Variants in STK24 observed in about 807,000 individuals in gnomAD.
The protein encoded by STK24 is serine/threonine-protein kinase 24.
Under a neutral mutation model 55.6 loss-of-function variants are expected in STK24, and 21 were observed. That is an observed-to-expected ratio of 0.38 (90% CI 0.27 to 0.54). The LOEUF (loss-of-function observed/expected upper bound fraction) is 0.54, where lower values mean the gene tolerates loss of function less well. Ranked by LOEUF, STK24 falls within the 20% of genes least tolerant of loss-of-function variation. The probability of loss-of-function intolerance (pLI) is 0.79; values close to 1 mark genes in which losing one functional copy is unlikely to be tolerated. For synonymous variants in STK24, 200 were observed against 215.2 expected (o/e 0.93, Z 0.62); for missense variants, 383 against 538.4 (o/e 0.71, Z 2.86).
At chr13:98,487,827 T>G (rs752668535) in intron 2 of STK24, among the ~76,000 whole-genome samples, 20 of 152,178 alleles carry the variant, frequency 1.3e-4, no homozygotes, top group Non-Finnish European at 2.6e-4. Context: ...GAAGCAGACC[T>G]GCTGGGTGAA....
rs967847857 is a variant in STK24, at chr13:98,476,250, G to A, written c.331-892C>T. Among the ~76,000 whole-genome samples, 40 of 79,606 alleles carry A rather than the reference G, an allele frequency of 5.0e-4. 1 individual carries two copies. The East Asian group carries it at 8.9e-3, about 18-fold the overall frequency. 52.2% of individuals were successfully genotyped at this position (79,606 alleles called of 152,430 possible). A position where few individuals can be genotyped will look rare whatever the true frequency, so the allele number is the denominator to read the frequency against. ...CAAACCAGACGGGAAGCCCCCCCCCGCCCCCTGCAGAGTGGGGCAGTCAGT... is the reference window on the plus strand; with the variant it reads ...CAAACCAGACGGGAAGCCCCCCCCCACCCCCTGCAGAGTGGGGCAGTCAGT... On this transcript the variant is annotated intron_variant, in intron 3 of 10. Transcript: ENST00000539966.
chr13:98,571,799 T>A lies in STK24; in HGVS notation c.42+4946A>T, dbSNP rs79308468. Among the ~76,000 whole-genome samples, 1,499 of 152,258 alleles carry A rather than the reference T, an allele frequency of 9.8e-3. 19 individuals are homozygous for A. The highest frequency in any genetic ancestry group is 0.033 in the African/African-American group (1,389 of 41,542). On this transcript the variant is annotated intron_variant, in intron 1 of 10. Coordinates refer to ENST00000539966, the MANE Select transcript of STK24 (RefSeq NM_001032296.4). ...TCACTGAGAGTTCAAGCCACGAAGC[T>A]GAGTGAATGCTAAAAAAATCCACTT...
At chr13:98,542,734 G>T in intron 1 of STK24, 1 of 706,558 alleles carries the variant, frequency 1.4e-6, no homozygotes, top group Non-Finnish European at 1.7e-6. Flanking sequence ...AAAGTGACGG[G>T]AAGCAAAGCA....
chr13:98,494,735 G>A (rs1314312137), intron 2 of STK24, among the ~76,000 whole-genome samples: 1 of 152,124 alleles, frequency 6.6e-6, no homozygotes, highest in Non-Finnish European at 1.5e-5. Context: ...TGTCAGTTAT[G>A]TAAATCAATG....
intron 5 of STK24, among the ~76,000 whole-genome samples, chr13:98,467,211 C>T (rs1368455656): frequency 1.3e-5 from 2 of 152,154 alleles, no homozygotes; most frequent in African/African-American, 2.4e-5. Flanking sequence ...CTACCTATTG[C>T]ATGAATTTAC....
intron 2 of STK24, among the ~76,000 whole-genome samples, chr13:98,514,742 G>A (rs576499619): frequency 6.6e-6 from 1 of 152,194 alleles, no homozygotes; most frequent in Non-Finnish European, 1.5e-5. Context: ...TGATGTTTGA[G>A]AGGAATAAAT....
rs753048450 is a variant in STK24 at position 98,576,864 on chromosome 13, C to T, written c.-78G>A. 50,513 of 961,254 alleles carry T rather than the reference C, an allele frequency of 0.053. 1,490 individuals are homozygous for T. The highest frequency in any genetic ancestry group is 0.058 in the Non-Finnish European group (46,536 of 805,180). 59.5% of individuals were successfully genotyped at this position (961,254 alleles called of 1,614,324 possible). On this transcript the variant is annotated 5_prime_UTR_variant, in exon 1 of 11. Transcript: ENST00000539966. ...GCGCGGGGCGGCGAGGCCCGCGGGC[C>T]GCGCGCAGCCCTCGGGCGGCGGGGC... is the stretch of plus-strand genomic sequence containing the variant.
chr13:98,511,807 C>G (rs1176635323), intron 2 of STK24, among the ~76,000 whole-genome samples: 1 of 150,484 alleles, frequency 6.6e-6, no homozygotes, highest in Non-Finnish European at 1.5e-5. Flanking sequence ...GGAACGTTGG[C>G]ATTGTTCTGG....
Position 98,453,111 on chromosome 13 carries a change from A to T in STK24, c.*62T>A, listed in dbSNP as rs530028038. On this transcript the variant is annotated 3_prime_UTR_variant, in exon 11 of 11. Transcript: ENST00000539966. ...TCAGCGAAGGCTCTCGTTGACTTTT[A>T]AAAAAGGAGGAGGATGAAGAAGGAA... 5.3e-5 allele frequency: 85 copies of T among 1,592,178 alleles called. No homozygotes were observed. In the East Asian group the frequency reaches 1.5e-3, roughly 28 times the overall value.
intron 1 of STK24, among the ~76,000 whole-genome samples, chr13:98,529,881 C>T (rs1342371408): frequency 1.3e-5 from 2 of 152,124 alleles, no homozygotes; most frequent in Non-Finnish European, 2.9e-5. Flanking sequence ...CCAGAATTTG[C>T]AGAAATCCAC....
intron 2 of STK24, among the ~76,000 whole-genome samples, chr13:98,518,798 GCTAA>G (rs1896162201): frequency 1.3e-5 from 2 of 152,202 alleles, no homozygotes; most frequent in Admixed American, 6.5e-5. Context: ...AGATAAGCTA[GCTAA>G]CTAACCAACA....
At chr13:98,482,146 C>CT (rs1566360090) in intron 3 of STK24, 119 bp downstream of exon 3, 1 of 508,032 alleles carries the variant, frequency 2.0e-6, no homozygotes, top group Non-Finnish European at 3.4e-6. Context: ...AGTTTGGTTC[C>CT]TTTTTTAATG....
At chr13:98,507,248 GA>G (rs1895720844) in intron 2 of STK24, among the ~76,000 whole-genome samples, 1 of 152,252 alleles carries the variant, frequency 6.6e-6, no homozygotes, top group African/African-American at 2.4e-5. Flanking sequence ...AAGTACTTAA[GA>G]GGACAACCGT....
At position 98,460,443 on chromosome 13, in the gene STK24, T is replaced by TG. The variant is rs1035420236; in HGVS notation, c.1054-4dup. 5 of 1,612,230 alleles carry TG rather than the reference T, an allele frequency of 3.1e-6. No individual in the cohort carries two copies. The African/African-American group carries it at 4.0e-5, about 13-fold the overall frequency. On this transcript the variant is annotated splice_polypyrimidine_tract_variant and splice_region_variant and intron_variant, in intron 8 of 10. Coordinates refer to ENST00000539966, the MANE Select transcript of STK24 (RefSeq NM_001032296.4). ...GGCCTCTTCGGGATGTCTTTCATCT[T>TG]GGGGGAGAGGGAAAAAAAGGTCATC...
rs1235693536 is a variant in STK24 at position 98,447,708 on chromosome 13, G to A, written c.*5465C>T. 1 of 153,930 alleles carries A rather than the reference G, an allele frequency of 6.5e-6. No homozygotes were observed. Among genetic ancestry groups the A allele is most frequent in the Non-Finnish European group, 1.4e-5 (1 of 69,302 alleles). 9.5% of individuals were successfully genotyped at this position (153,930 alleles called of 1,614,324 possible). On this transcript the variant is annotated 3_prime_UTR_variant, in exon 11 of 11. Coordinates refer to ENST00000539966, the MANE Select transcript of STK24 (RefSeq NM_001032296.4). ...CAAATATATAAAAAGGGAGATTTGG[G>A]CGTGGTGGTGCAAGCCTGTAGTCCC... is the stretch of plus-strand genomic sequence containing the variant.
chr13:98,475,304 G>C lies in STK24; in HGVS notation c.385C>G (p.Leu129Val), dbSNP rs1894324937. The C allele has an allele frequency of 6.2e-7, 1 of 1,613,938 alleles. No individual in the cohort carries two copies. Among genetic ancestry groups the C allele is most frequent in the Non-Finnish European group, 8.5e-7 (1 of 1,179,896 alleles). ...TQIATILREI[L>V]KGLDYLHSEK... ...GAATGGAGATAATCGAGTCCTTTCA[G>C]TATTTCTCTTAATATAGTAGCGATC... The change falls in exon 4 of 11, where the codon CTG becomes GTG. Residue 129 changes from leucine to valine, a missense_variant. Leu to Val is a conservative substitution (Grantham distance 32, BLOSUM62 1). Coordinates refer to ENST00000539966, the MANE Select transcript of STK24 (RefSeq NM_001032296.4).
chr13:98,484,533 T>A (rs1335844448), intron 2 of STK24, among the ~76,000 whole-genome samples: 1 of 152,054 alleles, frequency 6.6e-6, no homozygotes, highest in Non-Finnish European at 1.5e-5. Context: ...GGACTGAGGG[T>A]CACCAGGCAG....
rs767869076 is a variant in STK24 at position 98,448,368 on chromosome 13, C to G, written c.*4805G>C. On this transcript the variant is annotated 3_prime_UTR_variant, in exon 11 of 11. Transcript: ENST00000539966. ...TGGCTGCTTTCCTGGAAGACGTTTC[C>G]TTTCTTCTGTATTAATGAAGCCTGG... The G allele has an allele frequency of 1.4e-6, 2 of 1,389,484 alleles. No individual in the cohort carries two copies. The highest frequency in any genetic ancestry group is 3.4e-5 in the Admixed American group (2 of 59,590). 86.1% of individuals were successfully genotyped at this position (1,389,484 alleles called of 1,614,324 possible). A position where few individuals can be genotyped will look rare whatever the true frequency, so the allele number is the denominator to read the frequency against.
chr13:98,562,323 C>A (rs1452050048), intron 1 of STK24, among the ~76,000 whole-genome samples: 1 of 152,106 alleles, frequency 6.6e-6, no homozygotes, highest in Non-Finnish European at 1.5e-5. Context: ...CTCAACCCCC[C>A]ACTTCACATG....
Sources: allele counts gnomAD v4.1 joint callset (sites outside exome capture counted in the v4.1 genomes callset), GRCh38; gene constraint gnomAD v4.1.1; transcripts MANE v1.5; gene names NCBI Gene and HGNC (gene_info 2026-07-23, HGNC 2026-07-21).